FAM91A1: variants seen among roughly 807,000 people sequenced by gnomAD.
The protein encoded by FAM91A1 is family with sequence similarity 91 member A1.
Under a neutral mutation model 113.5 loss-of-function variants are expected in FAM91A1, and 41 were observed. The ratio of observed to expected loss-of-function variants is 0.36; its 90% CI spans 0.28 to 0.47. The LOEUF (loss-of-function observed/expected upper bound fraction) is 0.47. FAM91A1 is among the 20% of genes least tolerant of loss of function. The probability of loss-of-function intolerance (pLI) is 1.00; values close to 1 mark genes in which losing one functional copy is unlikely to be tolerated. For synonymous variants in FAM91A1, 307 were observed against 347.9 expected (o/e 0.88, Z 1.31); for missense variants, 696 against 1,001.2 (o/e 0.70, Z 4.11).
rs188886680 is a variant in FAM91A1, at chr8:123,796,676, C to T, written c.1412-1414C>T. Among the ~76,000 whole-genome samples, 154 of 149,718 alleles carry T rather than the reference C, an allele frequency of 1.0e-3. 2 individuals carry two copies. Among genetic ancestry groups the T allele is most frequent in the Non-Finnish European group, 5.0e-4 (34 of 67,522 alleles). On this transcript the variant is annotated intron_variant, in intron 15 of 23. Coordinates refer to ENST00000334705, the MANE Select transcript of FAM91A1 (RefSeq NM_144963.4). Reference sequence around the variant, plus strand: ...GTTTCGCCATGTTGACCAGGATGGTCTCGATCTCCTGACCTCGTGGTCTGC... The same window carrying T: ...GTTTCGCCATGTTGACCAGGATGGTTTCGATCTCCTGACCTCGTGGTCTGC...
intron 5 of FAM91A1, 146 bp from the exon 6 acceptor site, chr8:123,778,513 A>G (rs1815040832): frequency 1.8e-6 from 1 of 563,002 alleles, no homozygotes; most frequent in South Asian, 2.6e-5. Flanking sequence ...CAATATGTTA[A>G]TATCTAGAAT....
intron 15 of FAM91A1, among the ~76,000 whole-genome samples, chr8:123,789,994 G>A (rs1815345500): frequency 6.6e-6 from 1 of 152,122 alleles, no homozygotes; most frequent in African/African-American, 2.4e-5. Context: ...AAAAGTGTTG[G>A]TGTTAATTTA....
At chr8:123,780,372 A>G in intron 7 of FAM91A1, 108 bp from the exon 8 acceptor site, 2 of 870,262 alleles carry the variant, frequency 2.3e-6, no homozygotes. Context: ...CTTTCGTCAC[A>G]TAGCATTCAT....
At chr8:123,782,859 T>G (rs1815157622) in intron 8 of FAM91A1, among the ~76,000 whole-genome samples, 2 of 152,208 alleles carry the variant, frequency 1.3e-5, no homozygotes, top group South Asian at 4.1e-4. Context: ...GTGCCTTGGT[T>G]TCTTTATCTC....
intron 8 of FAM91A1, among the ~76,000 whole-genome samples, chr8:123,783,868 C>T (rs1355406600): frequency 1.3e-5 from 2 of 152,078 alleles, no homozygotes; most frequent in African/African-American, 4.8e-5. Context: ...GGATCTTGAC[C>T]CTGTTGCCAC....
intron 23 of FAM91A1, 71 bp from the exon 24 acceptor site, chr8:123,812,446 CTT>C (rs1815980355): frequency 7.5e-7 from 1 of 1,336,238 alleles, no homozygotes; most frequent in African/African-American, 1.5e-5. Context: ...CAAGGTCTCT[CTT>C]TCTCATTAGT....
intron 19 of FAM91A1, among the ~76,000 whole-genome samples, 172 bp downstream of exon 19, chr8:123,805,511 C>T (rs554870376): frequency 6.6e-6 from 1 of 152,066 alleles, no homozygotes; most frequent in South Asian, 2.1e-4. Flanking sequence ...CTTTGCCATC[C>T]ACAAAGAACT....
At chr8:123,809,413 T>C (rs976029229) in intron 22 of FAM91A1, among the ~76,000 whole-genome samples, 35 of 152,348 alleles carry the variant, frequency 2.3e-4, no homozygotes, top group Non-Finnish European at 8.8e-5. Context: ...TGATTGGTTT[T>C]TGTGGTGGAA....
intron 9 of FAM91A1, 200 bp downstream of exon 9, chr8:123,784,776 AACTTTTTATATG>A: frequency 6.9e-6 from 3 of 433,060 alleles, no homozygotes. Flanking sequence ...TAGTTTGGTT[AACTTTTTATATG>A]ACTTTTTGTA....
Position 123,813,966 on chromosome 8 carries a change from CT to C in FAM91A1, c.*1267del, listed in dbSNP as rs775098546. 1 of 219,804 alleles carries C rather than the reference CT, an allele frequency of 4.5e-6. No homozygotes were observed. The highest frequency in any genetic ancestry group is 2.4e-5 in the African/African-American group (1 of 41,934). The allele number at this position is 219,804 out of a possible 1,614,324, so 13.6% of individuals were successfully genotyped here. ...ATAACCTAAACGTTTTTGCTGGTAA[CT>C]TTTTGTTATTTATAGATATTTGTGT... On this transcript the variant is annotated 3_prime_UTR_variant, in exon 24 of 24. Coordinates refer to ENST00000334705, the MANE Select transcript of FAM91A1 (RefSeq NM_144963.4).
In FAM91A1 at chr8:123,798,307, C is replaced by T. The variant is rs1263243788; in HGVS notation, c.1560+69C>T. On this transcript the variant is annotated intron_variant, in intron 16 of 23. Coordinates refer to ENST00000334705, the MANE Select transcript of FAM91A1 (RefSeq NM_144963.4). ...CCATCAGTTTTGTTTTCTTCTCTAT[C>T]TGCAGATACCAACTATTAAAATCAC... The T allele has an allele frequency of 2.9e-5, 43 of 1,507,292 alleles. No individual in the cohort carries two copies. In the East Asian group the frequency reaches 5.9e-4, roughly 21 times the overall value. The allele number at this position is 1,507,292 out of a possible 1,614,324, so 93.4% of individuals were successfully genotyped here. A position where few individuals can be genotyped will look rare whatever the true frequency, so the allele number is the denominator to read the frequency against.
chr8:123,797,983 A>T, intron 15 of FAM91A1, 107 bp from the exon 16 acceptor site: 1 of 1,330,366 alleles, frequency 7.5e-7, no homozygotes, highest in Non-Finnish European at 1.0e-6. Flanking sequence ...ACTTTACCTT[A>T]AAAAGAAAAT....
intron 8 of FAM91A1, among the ~76,000 whole-genome samples, 170 bp from the exon 9 acceptor site, chr8:123,784,298 CTG>C (rs1394619644): frequency 1.3e-5 from 2 of 152,164 alleles, no homozygotes; most frequent in African/African-American, 4.8e-5. Context: ...AGAGTCTTCT[CTG>C]TGTACGTATT....
Position 123,789,657 on chromosome 8 carries a change from T to C in FAM91A1, c.1323T>C (p.His441=), listed in dbSNP as rs762715527. 4.3e-6 allele frequency: 7 copies of C among 1,612,200 alleles called. No homozygotes were observed. The highest frequency in any genetic ancestry group is 4.2e-6 in the Non-Finnish European group (5 of 1,179,776). ...GAGAAGCACAGAGATATTTTGATCA[T>C]GCACTTACTCTGAGAAACACAATAC... ...GEGEAQRYFD[H]ALTLRNTILF... Residue 441 remains histidine, a synonymous_variant, in exon 15 of 24, where the codon CAT becomes CAC. Transcript: ENST00000334705.
At chr8:123,780,346 T>C (rs573504406) in intron 7 of FAM91A1, 134 bp from the exon 8 acceptor site, 1 of 773,712 alleles carries the variant, frequency 1.3e-6, no homozygotes, top group African/African-American at 1.8e-5. Context: ...TCTTTTTCTC[T>C]TCTATTTTAC....
intron 9 of FAM91A1, 71 bp downstream of exon 9, chr8:123,784,647 T>A: frequency 9.2e-7 from 1 of 1,088,288 alleles, no homozygotes; most frequent in Non-Finnish European, 1.3e-6. Context: ...GTAAAGTTAT[T>A]TAATATGGTA....
At chr8:123,799,414 G>T in intron 16 of FAM91A1, 106 bp from the exon 17 acceptor site, 3 of 939,832 alleles carry the variant, frequency 3.2e-6, no homozygotes, top group Non-Finnish European at 4.6e-6. Flanking sequence ...CTTGAGGATA[G>T]TTGCAGTTAA....
intron 22 of FAM91A1, among the ~76,000 whole-genome samples, chr8:123,810,013 T>C (rs1815912532): frequency 6.6e-6 from 1 of 152,238 alleles, no homozygotes; most frequent in Non-Finnish European, 1.5e-5. Context: ...TTTATGTTTA[T>C]AGTAGTTGAA....
chr8:123,795,261 A>G (rs893431441), intron 15 of FAM91A1, among the ~76,000 whole-genome samples: 1 of 152,102 alleles, frequency 6.6e-6, no homozygotes, highest in African/African-American at 2.4e-5. Context: ...CCAGATGCTA[A>G]TATGTTTTGA....
Sources: allele counts gnomAD v4.1 joint callset (sites outside exome capture counted in the v4.1 genomes callset), GRCh38; gene constraint gnomAD v4.1.1; transcripts MANE v1.5; gene names NCBI Gene and HGNC (gene_info 2026-07-23, HGNC 2026-07-21).